Variants in CCDC181 observed in about 807,000 individuals in gnomAD.
CCDC181 encodes the protein coiled-coil domain containing 181, also known as coiled-coil domain-containing protein 181.
A neutral mutation model predicts 58.7 loss-of-function variants in CCDC181; 35 were observed. The ratio of observed to expected loss-of-function variants is 0.60; its 90% CI spans 0.46 to 0.79. The LOEUF (loss-of-function observed/expected upper bound fraction) is 0.79, where lower values mean the gene tolerates loss of function less well. CCDC181 is among the 30% of genes least tolerant of loss of function. The probability of loss-of-function intolerance (pLI) is 0.00; values close to 1 mark genes in which losing one functional copy is unlikely to be tolerated. For synonymous variants in CCDC181, 183 were observed against 197.5 expected (o/e 0.93, Z 0.62); for missense variants, 517 against 583.9 (o/e 0.89, Z 1.18).
rs570337482 is a variant in CCDC181, at chr1:169,405,005, T to C, written c.1216-7614A>G. ...TGTACAAAAATCACAAGCATTCTTA[T>C]ACACCAATAACAGACAAACAGAGAG... On this transcript the variant is annotated intron_variant, in intron 4 of 5. Transcript: ENST00000367806. 1.6e-4 allele frequency among the ~76,000 whole-genome samples: 24 copies of C among 152,292 alleles called. No homozygotes were observed. The South Asian group carries it at 3.3e-3, about 21-fold the overall frequency.
At chr1:169,404,149 C>T (rs1003309538) in intron 4 of CCDC181, among the ~76,000 whole-genome samples, 1 of 152,130 alleles carries the variant, frequency 6.6e-6, no homozygotes, top group Non-Finnish European at 1.5e-5. Context: ...ATAACAGGCT[C>T]TGAAATTGAG....
At chr1:169,429,538 AT>A (rs2101736697), upstream of CCDC181, among the ~76,000 whole-genome samples, 1 of 152,090 alleles carries the variant, frequency 6.6e-6, no homozygotes, top group Non-Finnish European at 1.5e-5. Context: ...TTTGATTTGC[AT>A]TTCCCTGATC....
At position 169,421,503 on chromosome 1, in the gene CCDC181, G is replaced by A. The variant is rs766836009; in HGVS notation, c.928C>T (p.Arg310Ter). 4.3e-6 allele frequency: 7 copies of A among 1,614,016 alleles called. No homozygotes were observed. The highest frequency in any genetic ancestry group is 1.3e-5 in the African/African-American group (1 of 75,000). Reference protein sequence around the residue: ...TCPSSAVNSDRSKGNGKSNHR... With the variant: ...TCPSSAVNSD ...TTAGATTTCCCATTCCCTTTACTTC[G>A]ATCTGAGTTGACAGCAGAGCTTGGA... The change falls in exon 3 of 6, where the codon CGA becomes TGA. Residue 310 changes from arginine to a stop codon, truncating the protein, a stop_gained. Transcript: ENST00000367806. LOFTEE classifies it high-confidence loss of function.
intron 2 of CCDC181, chr1:169,443,075 T>C (rs1657280399): frequency 6.6e-6 from 1 of 151,578 alleles, no homozygotes. Flanking sequence ...TGCCTAACTA[T>C]CAAAAAACTC....
chr1:169,430,678 A>AC (rs1491425922), upstream of CCDC181, among the ~76,000 whole-genome samples: 12 of 151,326 alleles, frequency 7.9e-5, no homozygotes, highest in South Asian at 4.2e-4. Context: ...GAAAAAAAAA[A>AC]ACACACAAAT....
In CCDC181 at chr1:169,419,070, C is replaced by T. The variant is rs1571489262; in HGVS notation, c.1158G>A (p.Gln386=). 1.9e-6 allele frequency: 3 copies of T among 1,613,644 alleles called. No individual in the cohort carries two copies. Among genetic ancestry groups the T allele is most frequent in the Non-Finnish European group, 2.5e-6 (3 of 1,179,908 alleles). The change falls in exon 4 of 6, where the codon CAG becomes CAA. Residue 386 remains glutamine (Q), a synonymous_variant. Transcript: ENST00000367806. ...GCTGAATTCTCCTCATTTCTAAGACCTGCTCTCTTTTCTTTTGCAACCACG... is the reference window on the plus strand; with the variant it reads ...GCTGAATTCTCCTCATTTCTAAGACTTGCTCTCTTTTCTTTTGCAACCACG... ...FKAWLQKKRE[Q]VLEMRRIQRA...
At chr1:169,436,260 A>C (rs963514174) in intron 2 of CCDC181, among the ~76,000 whole-genome samples, 1 of 152,210 alleles carries the variant, frequency 6.6e-6, no homozygotes, top group Admixed American at 6.5e-5. Flanking sequence ...AGCTCAGCAG[A>C]AATATGCTTA....
intron 2 of CCDC181, among the ~76,000 whole-genome samples, chr1:169,439,293 C>T (rs1265211946): frequency 6.6e-6 from 1 of 152,090 alleles, no homozygotes; most frequent in Non-Finnish European, 1.5e-5. Context: ...AGACAGACAC[C>T]CTACCATACA....
chr1:169,400,532 T>C (rs1655277883), intron 4 of CCDC181, among the ~76,000 whole-genome samples: 1 of 151,952 alleles, frequency 6.6e-6, no homozygotes, highest in Non-Finnish European at 1.5e-5. Context: ...GATCCTAAGA[T>C]GACATAGATA....
At chr1:169,420,820 A>G (rs1314089389) in intron 3 of CCDC181, among the ~76,000 whole-genome samples, 4 of 152,136 alleles carry the variant, frequency 2.6e-5, no homozygotes, top group African/African-American at 4.8e-5. Flanking sequence ...AACAAAAAAA[A>G]TTAATTTGGG....
chr1:169,425,280 T>C (rs1435525679), intron 1 of CCDC181, among the ~76,000 whole-genome samples: 2 of 152,096 alleles, frequency 1.3e-5, no homozygotes, highest in Non-Finnish European at 2.9e-5. Context: ...TTTTAGCCAT[T>C]AGCTTCGCTT....
Position 169,395,054 on chromosome 1 carries a change from T to C in CCDC181, c.1523A>G (p.Tyr508Cys), listed in dbSNP as rs935007729. The change falls in exon 6 of 6, where the codon TAT becomes TGT. Residue 508 changes from tyrosine to cysteine, a missense_variant. Physicochemically the swap from Tyr to Cys is radical, Grantham distance 194. Transcript: ENST00000367806. ...AATATTTAATAGAAACTTTCAGTTATAATGATCAGTAAAACGAAAAGGTTT... is the reference window on the plus strand; with the variant it reads ...AATATTTAATAGAAACTTTCAGTTACAATGATCAGTAAAACGAAAAGGTTT... Reference protein sequence around the residue: ...EAKPFRFTDHYN With the variant: ...EAKPFRFTDHCN 4 of 1,590,976 alleles carry C rather than the reference T, an allele frequency of 2.5e-6. No homozygotes were observed. Among genetic ancestry groups the C allele is most frequent in the African/African-American group, 2.7e-5 (2 of 73,372 alleles).
At chr1:169,399,140 G>A (rs1239590236) in intron 4 of CCDC181, among the ~76,000 whole-genome samples, 1 of 152,122 alleles carries the variant, frequency 6.6e-6, no homozygotes, top group African/African-American at 2.4e-5. Context: ...AGCCATTGGG[G>A]GTTTCTGAGC....
At position 169,446,897 on chromosome 1, in the gene CCDC181, T is replaced by C. The variant is rs114594996; in HGVS notation, c.-24+12900A>G. 2.0e-3 allele frequency among the ~76,000 whole-genome samples: 300 copies of C among 152,300 alleles called. 4 individuals carry two copies. Among genetic ancestry groups the C allele is most frequent in the African/African-American group, 7.0e-3 (291 of 41,564 alleles). ...ATAAATTTCCCTCTAAACATTGCTT[T>C]TGTTGCATCCCACGAATTTTGATAA... On this transcript the variant is annotated intron_variant, in intron 2 of 6. Coordinates refer to the CCDC181 transcript ENST00000545005.
chr1:169,435,843 T>C (rs563816983), intron 2 of CCDC181, among the ~76,000 whole-genome samples: 35 of 152,350 alleles, frequency 2.3e-4, no homozygotes, highest in African/African-American at 7.9e-4. Context: ...TAGATATTAA[T>C]GTATCAATTT....
chr1:169,420,918 G>A (rs541268271), intron 3 of CCDC181, among the ~76,000 whole-genome samples: 128 of 152,304 alleles, frequency 8.4e-4, no homozygotes, highest in Middle Eastern at 3.4e-3. Flanking sequence ...TAAAAGAATT[G>A]TAAGCATAGA....
chr1:169,409,348 T>C (rs1020901315), intron 4 of CCDC181, among the ~76,000 whole-genome samples: 1 of 151,840 alleles, frequency 6.6e-6, no homozygotes, highest in Non-Finnish European at 1.5e-5. Context: ...GAAAAAAGAA[T>C]GAAAAGGAAC....
At chr1:169,405,869 C>T (rs1366481221) in intron 4 of CCDC181, among the ~76,000 whole-genome samples, 1 of 152,104 alleles carries the variant, frequency 6.6e-6, no homozygotes, top group Non-Finnish European at 1.5e-5. Flanking sequence ...GAACAGGCAA[C>T]CTACAGAATG....
chr1:169,402,539 T>C (rs1285639136), intron 4 of CCDC181, among the ~76,000 whole-genome samples: 2 of 152,150 alleles, frequency 1.3e-5, no homozygotes. Flanking sequence ...ACCCAGAATT[T>C]CATATCCAGC....
Sources: allele counts gnomAD v4.1 joint callset (sites outside exome capture counted in the v4.1 genomes callset), GRCh38; gene constraint gnomAD v4.1.1; transcripts MANE v1.5; gene names NCBI Gene and HGNC (gene_info 2026-07-23, HGNC 2026-07-21).